MCF2L2: variants seen among roughly 807,000 people sequenced by gnomAD.
The protein encoded by MCF2L2 is probable guanine nucleotide exchange factor MCF2L2.
A neutral mutation model predicts 150.2 loss-of-function variants in MCF2L2; 102 were observed. The observed-to-expected ratio is 0.68, with a 90% CI of 0.58 to 0.80. The LOEUF (loss-of-function observed/expected upper bound fraction) is 0.80. MCF2L2 is among the 30% of genes least tolerant of loss of function. The probability of loss-of-function intolerance (pLI) is 0.00; values close to 1 mark genes in which losing one functional copy is unlikely to be tolerated. For missense variants in MCF2L2, 1,256 were observed against 1,372.8 expected, an observed-to-expected ratio of 0.91 and a Z score of 1.34; for synonymous variants, 465 against 491.3, an observed-to-expected ratio of 0.95 and a Z score of 0.71.
intron 15 of MCF2L2, among the ~76,000 whole-genome samples, chr3:183,247,345 C>G (rs901969277): frequency 1.3e-5 from 2 of 152,166 alleles, no homozygotes; most frequent in African/African-American, 4.8e-5. Flanking sequence ...CTGGCTCATC[C>G]GTGTATGCCT....
At chr3:183,388,056 C>T (rs1431646401) in intron 2 of MCF2L2, among the ~76,000 whole-genome samples, 1 of 151,830 alleles carries the variant, frequency 6.6e-6, no homozygotes, top group African/African-American at 2.4e-5. Flanking sequence ...AAATTCATAT[C>T]TGGAGCTGTC....
At chr3:183,297,684 G>GTCTC (rs10675560) in intron 11 of MCF2L2, 100,527 of 150,176 alleles carry the variant, frequency 0.67, 33,948 homozygotes, top group South Asian at 0.7. Context: ...CTTTCTCTCT[G>GTCTC]TCTCTCTTTC....
At chr3:183,313,447 A>G (rs533615614) in intron 7 of MCF2L2, among the ~76,000 whole-genome samples, 3 of 152,342 alleles carry the variant, frequency 2.0e-5, no homozygotes, top group Non-Finnish European at 4.4e-5. Flanking sequence ...GTCACACACT[A>G]TATATCCCCT....
At position 183,191,740 on chromosome 3, in the gene MCF2L2, C is replaced by CTT. The variant is rs535870905; in HGVS notation, c.3016+1257_3016+1258dup. ...TCTTTCTTGTTAAATCAACTTTCACCTTTTCACTTAAAGGAAGCATTTGAC... is the reference window on the plus strand; with the variant it reads ...TCTTTCTTGTTAAATCAACTTTCACCTTTTTTCACTTAAAGGAAGCATTTGAC... On this transcript the variant is annotated intron_variant, in intron 27 of 29. Transcript: ENST00000328913. 1.2e-4 allele frequency among the ~76,000 whole-genome samples: 18 copies of CTT among 152,242 alleles called. No individual in the cohort carries two copies. The South Asian group carries it at 3.5e-3, about 30-fold the overall frequency.
At chr3:183,334,267 T>C (rs533676254) in intron 5 of MCF2L2, among the ~76,000 whole-genome samples, 1 of 152,200 alleles carries the variant, frequency 6.6e-6, no homozygotes, top group South Asian at 2.1e-4. Context: ...CTTTAATGGA[T>C]ACTAAAGAGA....
At chr3:183,299,557 G>A (rs884911) in intron 11 of MCF2L2, 11,672 of 155,532 alleles carry the variant, frequency 0.075, 1,125 homozygotes, top group African/African-American at 0.22. Context: ...TGGTAGGAAT[G>A]CAGTAGGTGC....
chr3:183,361,040 AAAG>A (rs1712144340), intron 3 of MCF2L2, among the ~76,000 whole-genome samples: 1 of 119,324 alleles, frequency 8.4e-6, no homozygotes, highest in African/African-American at 4.0e-5. Flanking sequence ...GAAAAGGAAG[AAAG>A]GAAAGGAAAG....
chr3:183,269,230 C>CTTTTTTTT (rs60835895), intron 15 of MCF2L2, among the ~76,000 whole-genome samples: 3 of 81,000 alleles, frequency 3.7e-5, no homozygotes, highest in African/African-American at 6.3e-5. Flanking sequence ...GTTTGGGAAG[C>CTTTTTTTT]TTTTTTTTTT....
chr3:183,346,346 T>C (rs1250432871), intron 3 of MCF2L2, among the ~76,000 whole-genome samples: 1 of 152,194 alleles, frequency 6.6e-6, no homozygotes, highest in African/African-American at 2.4e-5. Flanking sequence ...AGAAAAGCCC[T>C]TCGATAAAAT....
intron 1 of MCF2L2, among the ~76,000 whole-genome samples, chr3:183,424,093 T>C (rs1716040323): frequency 6.6e-6 from 1 of 152,184 alleles, no homozygotes; most frequent in African/African-American, 2.4e-5. Flanking sequence ...AATTTGCAGA[T>C]ATTTCAACAA....
Position 183,219,609 on chromosome 3 carries a change from T to TAA in MCF2L2, c.2370+245_2370+246dup, listed in dbSNP as rs35673274. On this transcript the variant is annotated intron_variant, in intron 21 of 29. Transcript: ENST00000328913. ...CTGTGCAATGGAGTGAGACTTTGTCTAAAAAAAAAAAAATTATGTGGAAGG... is the reference window on the plus strand; with the variant it reads ...CTGTGCAATGGAGTGAGACTTTGTCTAAAAAAAAAAAAAAATTATGTGGAAGG... Among the ~76,000 whole-genome samples the TAA allele has an allele frequency of 5.5e-4, 81 of 147,068 alleles. 1 individual carries two copies. The East Asian group carries it at 5.8e-3, about 10-fold the overall frequency.
At chr3:183,264,523 C>G (rs539727609) in intron 15 of MCF2L2, among the ~76,000 whole-genome samples, 1 of 152,148 alleles carries the variant, frequency 6.6e-6, no homozygotes, top group African/African-American at 2.4e-5. Flanking sequence ...TCATGATCTC[C>G]CACTGTGTCT....
intron 15 of MCF2L2, among the ~76,000 whole-genome samples, chr3:183,274,241 CT>C (rs1394202712): frequency 2.0e-5 from 3 of 151,848 alleles, no homozygotes; most frequent in Non-Finnish European, 1.5e-5. Flanking sequence ...TTTCTCAGAA[CT>C]TATCCTCATT....
intron 3 of MCF2L2, among the ~76,000 whole-genome samples, chr3:183,370,133 T>C (rs763280447): frequency 3.3e-5 from 5 of 152,216 alleles, no homozygotes; most frequent in African/African-American, 1.2e-4. Context: ...AAGCCGAAGA[T>C]AGTTTAAAGC....
chr3:183,365,853 G>C (rs775937230), intron 3 of MCF2L2, among the ~76,000 whole-genome samples: 8 of 152,038 alleles, frequency 5.3e-5, no homozygotes, highest in Non-Finnish European at 1.2e-4. Context: ...ATACCTCACA[G>C]ATAAAGGGCT....
chr3:183,402,650 A>T (rs1268104788), intron 1 of MCF2L2, among the ~76,000 whole-genome samples: 8 of 151,748 alleles, frequency 5.3e-5, no homozygotes, highest in Admixed American at 1.3e-4. Context: ...AAAGGTTTTT[A>T]AAAAAACAAA....
intron 12 of MCF2L2, 188 bp downstream of exon 12, chr3:183,296,788 C>T (rs932895701): frequency 2.4e-5 from 14 of 578,030 alleles, no homozygotes; most frequent in East Asian, 2.3e-4. Context: ...TTGAGTCAGA[C>T]GAAGACTCAG....
At chr3:183,427,640 C>A (rs73068988) in intron 1 of MCF2L2, among the ~76,000 whole-genome samples, 12,028 of 152,036 alleles carry the variant, frequency 0.079, 1,602 homozygotes, top group African/African-American at 0.27. Context: ...CAGCAGCCCT[C>A]GGTTTGGAGC....
At chr3:183,251,246 G>A (rs572473549) in intron 15 of MCF2L2, among the ~76,000 whole-genome samples, 1 of 152,344 alleles carries the variant, frequency 6.6e-6, no homozygotes, top group East Asian at 1.9e-4. Flanking sequence ...AACAGGTCAA[G>A]CCTGATACTG....
Sources: gnomAD v4.1 joint callset for allele counts (sites outside exome capture counted in the v4.1 genomes callset) on GRCh38, gnomAD v4.1.1 for gene constraint, MANE v1.5 for transcripts, NCBI Gene and HGNC (gene_info 2026-07-23, HGNC 2026-07-21) for gene names.